ME3: variants seen among roughly 807,000 people sequenced by gnomAD.
ME3 encodes the protein malic enzyme 3.
ME3 carries 48 observed loss-of-function variants against 68.9 expected under a neutral mutation model. That is an observed-to-expected ratio of 0.70 (90% CI 0.55 to 0.89). The LOEUF is 0.89. Among genes scored for constraint, ME3 ranks in the 40% least tolerant of loss-of-function variants. ME3 has a pLI of 0.00. For synonymous variants in ME3, 320 were observed against 318.8 expected (o/e 1.00, Z -0.04); for missense variants, 675 against 797.4 (o/e 0.85, Z 1.85).
intron 2 of ME3, among the ~76,000 whole-genome samples, chr11:86,579,404 T>C (rs1409203875): frequency 6.6e-6 from 1 of 152,138 alleles, no homozygotes; most frequent in Admixed American, 6.6e-5. Context: ...CTGCTCCAAC[T>C]GGCCATGTGA....
At chr11:86,455,665 C>T (rs1045750943) in intron 8 of ME3, among the ~76,000 whole-genome samples, 1 of 152,138 alleles carries the variant, frequency 6.6e-6, no homozygotes, top group South Asian at 2.1e-4. Flanking sequence ...ATCTAGAAGA[C>T]CATTTTGCAG....
intron 4 of ME3, among the ~76,000 whole-genome samples, chr11:86,536,620 A>T (rs1429328039): frequency 6.9e-6 from 1 of 145,252 alleles, no homozygotes; most frequent in Admixed American, 6.9e-5. Flanking sequence ...GGCCATCATT[A>T]AAAAGTCAGG....
chr11:86,442,721 G>C (rs1949068370), intron 14 of ME3, 100 bp downstream of exon 14: 1 of 967,568 alleles, frequency 1.0e-6, no homozygotes, highest in African/African-American at 1.6e-5. Context: ...AGGAGATCCA[G>C]TGTCTCCACA....
At chr11:86,444,944 G>A (rs1200929814) in intron 13 of ME3, among the ~76,000 whole-genome samples, 2 of 152,170 alleles carry the variant, frequency 1.3e-5, no homozygotes, top group African/African-American at 2.4e-5. Context: ...AGAGGTTCCT[G>A]TGTAATTGAT....
intron 4 of ME3, among the ~76,000 whole-genome samples, chr11:86,528,261 G>A (rs1460141542): frequency 1.3e-5 from 2 of 152,102 alleles, no homozygotes; most frequent in South Asian, 2.1e-4. Context: ...GACAAAGAAG[G>A]CCATTACATA....
chr11:86,638,072 C>A (rs1002256951), intron 2 of ME3, among the ~76,000 whole-genome samples: 1 of 152,102 alleles, frequency 6.6e-6, no homozygotes, highest in Non-Finnish European at 1.5e-5. Flanking sequence ...CCCAGCTTCC[C>A]ACAGGAGCCC....
chr11:86,590,606 C>T (rs73524032), intron 2 of ME3, among the ~76,000 whole-genome samples: 47 of 152,276 alleles, frequency 3.1e-4, no homozygotes, highest in African/African-American at 1.1e-3. Flanking sequence ...GATTTGGGTG[C>T]TGTGCCACCT....
chr11:86,485,777 G>T lies in ME3; in HGVS notation c.809+1560C>A, dbSNP rs115874240. ...TCCTTGCTCTTTCCCGTTTTCTCTT[G>T]CCTGGCAAAATCCCCAACCCTGATT... is the stretch of plus-strand genomic sequence containing the variant. On this transcript the variant is annotated intron_variant, in intron 7 of 14. Coordinates refer to ENST00000543262, the Ensembl canonical transcript of ME3. 6.7e-3 allele frequency among the ~76,000 whole-genome samples: 1,017 copies of T among 152,102 alleles called. 10 individuals carry two copies. The highest frequency in any genetic ancestry group is 0.023 in the African/African-American group (949 of 41,484).
chr11:86,538,615 T>A (rs1346868622), intron 4 of ME3, among the ~76,000 whole-genome samples: 3 of 152,172 alleles, frequency 2.0e-5, no homozygotes, highest in African/African-American at 7.2e-5. Context: ...CTTGGCCTCT[T>A]GGATTTCCAT....
intron 2 of ME3, among the ~76,000 whole-genome samples, chr11:86,617,096 G>A (rs1035540740): frequency 9.1e-6 from 1 of 109,480 alleles, no homozygotes; most frequent in Non-Finnish European, 1.7e-5. Flanking sequence ...AAGAACAAGC[G>A]ATCTGGAGCC....
At chr11:86,640,102 G>C (rs1944574032) in intron 2 of ME3, among the ~76,000 whole-genome samples, 1 of 152,140 alleles carries the variant, frequency 6.6e-6, no homozygotes, top group Non-Finnish European at 1.5e-5. Context: ...TAGTAAGCAG[G>C]GGGTACAATT....
chr11:86,667,012 G>A (rs1370822883), intron 2 of ME3, among the ~76,000 whole-genome samples: 1 of 152,192 alleles, frequency 6.6e-6, no homozygotes. Flanking sequence ...ATACAGAAGG[G>A]ATTCAGCTGA....
chr11:86,616,728 A>G (rs1168415968), intron 2 of ME3, among the ~76,000 whole-genome samples: 2 of 152,206 alleles, frequency 1.3e-5, no homozygotes, highest in Admixed American at 1.3e-4. Context: ...TGTCAAGGTC[A>G]TGAAAAATAA....
intron 4 of ME3, among the ~76,000 whole-genome samples, chr11:86,533,273 A>C (rs1448206775): frequency 1.3e-5 from 2 of 152,176 alleles, no homozygotes; most frequent in Non-Finnish European, 2.9e-5. Context: ...ACTATGAAAA[A>C]AAGAGAGAAG....
chr11:86,604,443 C>A (rs542539377), intron 2 of ME3, among the ~76,000 whole-genome samples: 92 of 151,856 alleles, frequency 6.1e-4, no homozygotes, highest in Non-Finnish European at 1.1e-3. Flanking sequence ...TTGTCTCTTA[C>A]AAGAAAAAAA....
chr11:86,495,716 T>C (rs1952283176), intron 6 of ME3, among the ~76,000 whole-genome samples: 1 of 152,234 alleles, frequency 6.6e-6, no homozygotes, highest in Non-Finnish European at 1.5e-5. Flanking sequence ...TGAGCAGCTG[T>C]AAAGCATGTA....
chr11:86,548,729 CTACT>C (rs1364338863), intron 4 of ME3, among the ~76,000 whole-genome samples: 7 of 152,112 alleles, frequency 4.6e-5, no homozygotes, highest in Admixed American at 3.3e-4. Context: ...CTGAGATCAC[CTACT>C]AATATCCTCA....
At chr11:86,487,905 C>T (rs981949736) in intron 6 of ME3, among the ~76,000 whole-genome samples, 2 of 152,202 alleles carry the variant, frequency 1.3e-5, no homozygotes, top group African/African-American at 2.4e-5. Context: ...AGGCCTGATG[C>T]GGTGGCTCAC....
At chr11:86,567,787 C>T (rs1957566040) in intron 2 of ME3, among the ~76,000 whole-genome samples, 1 of 152,224 alleles carries the variant, frequency 6.6e-6, no homozygotes, top group Non-Finnish European at 1.5e-5. Flanking sequence ...AATGAAGGCA[C>T]TGTAGTTGCA....
Sources: allele counts gnomAD v4.1 joint callset (sites outside exome capture counted in the v4.1 genomes callset), GRCh38; gene constraint gnomAD v4.1.1; transcripts MANE v1.5; gene names NCBI Gene and HGNC (gene_info 2026-07-23, HGNC 2026-07-21).